Variants in DCC observed in about 807,000 individuals in gnomAD.
The protein encoded by DCC is netrin receptor DCC.
Under a neutral mutation model 172.5 loss-of-function variants are expected in DCC, and 58 were observed. The ratio of observed to expected loss-of-function variants is 0.34; its 90% CI spans 0.27 to 0.42. DCC has a LOEUF of 0.42. DCC is among the 10% of genes least tolerant of loss of function. The pLI, the probability that DCC is intolerant of heterozygous loss-of-function variation, is 1.00. For synonymous variants in DCC, 709 were observed against 644.5 expected, an observed-to-expected ratio of 1.10 and a Z score of -1.52; for missense variants, 1,740 against 1,791.0, an observed-to-expected ratio of 0.97 and a Z score of 0.51.
At position 52,863,804 on chromosome 18, in the gene DCC, A is replaced by G. The variant is rs1328913548; in HGVS notation, c.413-42240A>G. 1.3e-5 allele frequency among the ~76,000 whole-genome samples: 2 copies of G among 152,064 alleles called. 1 individual carries two copies. The highest frequency in any genetic ancestry group is 3.9e-4 in the East Asian group (2 of 5,188). On this transcript the variant is annotated intron_variant, in intron 2 of 28. Coordinates refer to ENST00000442544, the MANE Select transcript of DCC (RefSeq NM_005215.4). The stretch of plus-strand genomic sequence containing the variant: ...ATCATCTCAAATTAAATTTTCTATT[A>G]ATCATTTTTGTATTACTGTCTGTTA...
At chr18:53,066,755 A>G (rs1266732477) in intron 7 of DCC, among the ~76,000 whole-genome samples, 7 of 152,042 alleles carry the variant, frequency 4.6e-5, no homozygotes, top group Admixed American at 3.9e-4. Flanking sequence ...ATAGAGAAAT[A>G]TCTGAGACTG....
At chr18:52,780,546 C>T (rs572488235) in intron 2 of DCC, among the ~76,000 whole-genome samples, 137 of 152,040 alleles carry the variant, frequency 9.0e-4, no homozygotes, top group Non-Finnish European at 1.7e-3. Flanking sequence ...ACTGAAGACC[C>T]CCCAAAGCAG....
At chr18:52,682,009 A>C (rs1254856784) in intron 1 of DCC, among the ~76,000 whole-genome samples, 1 of 152,156 alleles carries the variant, frequency 6.6e-6, no homozygotes, top group Non-Finnish European at 1.5e-5. Flanking sequence ...AGAAGCTTTG[A>C]GAATCTGGTC....
chr18:52,746,740 T>C (rs966541764), intron 1 of DCC, among the ~76,000 whole-genome samples: 2 of 151,172 alleles, frequency 1.3e-5, no homozygotes, highest in Non-Finnish European at 2.9e-5. Flanking sequence ...ACTTGAAATG[T>C]CTTTGGCAAT....
intron 15 of DCC, among the ~76,000 whole-genome samples, chr18:53,353,329 T>A (rs539753000): frequency 7.9e-5 from 12 of 151,980 alleles, no homozygotes; most frequent in African/African-American, 1.4e-4. Flanking sequence ...TTCTATTTTT[T>A]TAAAAAAACT....
intron 5 of DCC, 117 bp downstream of exon 5, chr18:52,925,487 C>G (rs1019106584): frequency 8.9e-6 from 9 of 1,012,692 alleles, no homozygotes; most frequent in Admixed American, 5.1e-5. Context: ...TTGCAAAGTC[C>G]CAATACTCCA....
intron 27 of DCC, among the ~76,000 whole-genome samples, chr18:53,502,423 A>T (rs2144473053): frequency 6.6e-6 from 1 of 152,306 alleles, no homozygotes; most frequent in Admixed American, 6.5e-5. Flanking sequence ...CATGCTTTTT[A>T]AAAGGGCTAA....
At chr18:52,583,552 G>T (rs988343253) in intron 1 of DCC, among the ~76,000 whole-genome samples, 1 of 151,884 alleles carries the variant, frequency 6.6e-6, no homozygotes, top group African/African-American at 2.4e-5. Flanking sequence ...ATGATAAATT[G>T]CATTATGACC....
chr18:52,739,902 A>G (rs1367751210), intron 1 of DCC, among the ~76,000 whole-genome samples: 1 of 152,188 alleles, frequency 6.6e-6, no homozygotes, highest in Non-Finnish European at 1.5e-5. Flanking sequence ...ACCCACATAG[A>G]GTCCCTCAAA....
At chr18:53,035,363 GC>G (rs1406673561) in intron 5 of DCC, among the ~76,000 whole-genome samples, 1 of 152,002 alleles carries the variant, frequency 6.6e-6, no homozygotes, top group Non-Finnish European at 1.5e-5. Flanking sequence ...AATCCTCAGT[GC>G]CTAAAACAGT....
At chr18:52,797,900 T>C (rs1287501393) in intron 2 of DCC, among the ~76,000 whole-genome samples, 2 of 152,158 alleles carry the variant, frequency 1.3e-5, no homozygotes, top group Admixed American at 6.5e-5. Context: ...ATAAAACACA[T>C]GTGGGCAATA....
chr18:53,253,041 C>T (rs1053003932), intron 12 of DCC, among the ~76,000 whole-genome samples: 12 of 151,696 alleles, frequency 7.9e-5, no homozygotes, highest in African/African-American at 2.9e-4. Flanking sequence ...GTACCATTTT[C>T]GTATTAATCA....
At chr18:53,376,208 A>G (rs62098043) in intron 15 of DCC, among the ~76,000 whole-genome samples, 44,953 of 151,696 alleles carry the variant, frequency 0.3, 8,502 homozygotes, top group Non-Finnish European at 0.44. Flanking sequence ...CCTGGCCAAC[A>G]TGGTGAAACA....
intron 7 of DCC, among the ~76,000 whole-genome samples, chr18:53,132,569 G>T (rs959159192): frequency 5.9e-5 from 9 of 152,110 alleles, no homozygotes; most frequent in Non-Finnish European, 8.8e-5. Flanking sequence ...ATCCCAATAT[G>T]TATCTTATTC....
At chr18:52,949,010 A>G (rs570297930) in intron 5 of DCC, among the ~76,000 whole-genome samples, 1 of 152,320 alleles carries the variant, frequency 6.6e-6, no homozygotes, top group South Asian at 2.1e-4. Flanking sequence ...CCTCTGTGAT[A>G]CAGCAGGAAA....
chr18:53,465,417 C>A (rs370909780), intron 24 of DCC, among the ~76,000 whole-genome samples: 3 of 152,022 alleles, frequency 2.0e-5, no homozygotes, highest in African/African-American at 4.8e-5. Context: ...ATACTTCTGG[C>A]CTTCATGATT....
intron 1 of DCC, among the ~76,000 whole-genome samples, chr18:52,706,966 C>T (rs1395219247): frequency 6.6e-6 from 1 of 152,072 alleles, no homozygotes; most frequent in African/African-American, 2.4e-5. Context: ...GAGAGTTAAC[C>T]AGGAGAGAAA....
chr18:52,831,102 T>G (rs72920137), intron 2 of DCC, among the ~76,000 whole-genome samples: 3,706 of 152,204 alleles, frequency 0.024, 68 homozygotes, highest in Non-Finnish European at 0.037. Context: ...CCACGGAGAT[T>G]TCTTGGAGAA....
chr18:53,488,021 A>AAAAG lies in DCC; in HGVS notation c.3898+1065_3898+1068dup, dbSNP rs1459236315. Among the ~76,000 whole-genome samples, 3 of 152,266 alleles carry AAAAG rather than the reference A, an allele frequency of 2.0e-5. No individual in the cohort carries two copies. In the East Asian group the frequency reaches 5.8e-4, roughly 29 times the overall value. On this transcript the variant is annotated intron_variant, in intron 26 of 28. Coordinates refer to ENST00000442544, the MANE Select transcript of DCC (RefSeq NM_005215.4). ...AAAATGAAGCTCTCTGCAACAAAAA[A>AAAAG]AAAGACAAGTTTTAATGTTAGTTTA...
Sources: allele counts gnomAD v4.1 joint callset (sites outside exome capture counted in the v4.1 genomes callset), GRCh38; gene constraint gnomAD v4.1.1; transcripts MANE v1.5; gene names NCBI Gene and HGNC (gene_info 2026-07-23, HGNC 2026-07-21).